Variants in SLC11A1 observed in about 807,000 individuals in gnomAD.
SLC11A1 encodes solute carrier family 11 member 1.
Under a neutral mutation model 63.2 loss-of-function variants are expected in SLC11A1, and 59 were observed. The observed-to-expected ratio is 0.93, with a 90% confidence interval of 0.76 to 1.16. The LOEUF is 1.16. SLC11A1 is among the 50% of genes most tolerant of loss of function. The pLI, the probability that SLC11A1 is intolerant of heterozygous loss-of-function variation, is 0.00. For synonymous variants in SLC11A1, 305 were observed against 307.8 expected, an observed-to-expected ratio of 0.99 and a Z score of 0.09; for missense variants, 688 against 730.7, an observed-to-expected ratio of 0.94 and a Z score of 0.67.
chr2:218,389,895 GAGCAGACATC>G lies in SLC11A1; in HGVS notation c.824_833del (p.Ala275GlufsTer8), dbSNP rs770766596. 6.2e-7 allele frequency: 1 copy of G among 1,613,246 alleles called. No individual in the cohort carries two copies. Among genetic ancestry groups the G allele is most frequent in the Non-Finnish European group, 8.5e-7 (1 of 1,179,540 alleles). Reference sequence around the variant, plus strand: ...TCTCGAGAGATAGACCGGGCCCGCCGAGCAGACATCAGAGAAGCCAACATGTACTTCCTGA... The same window carrying G: ...TCTCGAGAGATAGACCGGGCCCGCCGAGAGAAGCCAACATGTACTTCCTGA... On this transcript the variant is annotated frameshift_variant, in exon 9 of 15. Coordinates refer to ENST00000233202, the MANE Select transcript of SLC11A1 (RefSeq NM_000578.4). LOFTEE classifies it high-confidence loss of function.
In SLC11A1 at chr2:218,391,554, G is replaced by A. The variant is rs1696453100; in HGVS notation, c.1164+59G>A. 4.0e-6 allele frequency: 6 copies of A among 1,508,398 alleles called. No homozygotes were observed. The African/African-American group carries it at 7.0e-5, about 17-fold the overall frequency. 93.4% of individuals were successfully genotyped at this position (1,508,398 alleles called of 1,614,324 possible). The stretch of plus-strand genomic sequence containing the variant: ...GTCCAAGGACAGCAGGCACACTACT[G>A]GGGGCTAGAACTCCGAGCCTTGTGG... On this transcript the variant is annotated intron_variant, in intron 11 of 14. Coordinates refer to ENST00000233202, the MANE Select transcript of SLC11A1 (RefSeq NM_000578.4).
chr2:218,394,057 C>T, intron 12 of SLC11A1, 63 bp from the exon 13 acceptor site: 4 of 1,563,662 alleles, frequency 2.6e-6, no homozygotes, highest in Middle Eastern at 1.7e-4. Flanking sequence ...GCCCATCTTG[C>T]CCCCACCCTT....
At chr2:218,392,103 C>T (rs980953240) in intron 11 of SLC11A1, 1 of 403,236 alleles carries the variant, frequency 2.5e-6, no homozygotes, top group East Asian at 9.2e-5. Context: ...GCGTTTCGCT[C>T]TTATTGCCCA....
At chr2:218,383,984 T>C (rs1695938152) in intron 2 of SLC11A1, 1 of 260,456 alleles carries the variant, frequency 3.8e-6, no homozygotes, top group East Asian at 6.8e-5. Flanking sequence ...AGTCAGGGCT[T>C]GAGGGGCAGG....
Position 218,385,257 on chromosome 2 carries a change from C to A in SLC11A1, c.384C>A (p.Tyr128Ter), listed in dbSNP as rs775318632. 23 of 1,613,868 alleles carry A rather than the reference C, an allele frequency of 1.4e-5. 1 individual carries two copies. In the Admixed American group the frequency reaches 3.8e-4, roughly 27 times the overall value. ...GKDLGEVCHL[Y>*]YPKVPRTVLW... ...ACTTGGGCGAGGTCTGCCATCTCTA[C>A]TACCCTAAGGTGAGCTTGGGGGGCC... The change falls in exon 4 of 15, where the codon TAC (tyrosine) becomes TAA (stop). Residue 128 changes from tyrosine to a stop codon, truncating the protein, a stop_gained. Coordinates refer to ENST00000233202, the MANE Select transcript of SLC11A1 (RefSeq NM_000578.4). LOFTEE classifies it high-confidence loss of function.
At chr2:218,387,080 C>G in intron 5 of SLC11A1, 80 bp from the exon 6 acceptor site, 1 of 1,337,080 alleles carries the variant, frequency 7.5e-7, no homozygotes, top group South Asian at 1.2e-5. Context: ...AGGCCAGATT[C>G]CTGTCTCCAG....
At chr2:218,391,030 A>G (rs2106335932) in intron 9 of SLC11A1, among the ~76,000 whole-genome samples, 168 bp from the exon 10 acceptor site, 1 of 152,354 alleles carries the variant, frequency 6.6e-6, no homozygotes, top group East Asian at 1.9e-4. Flanking sequence ...AAAACGTAAA[A>G]GTAAAACAAA....
chr2:218,391,103 A>G (rs908559273), intron 9 of SLC11A1, 95 bp from the exon 10 acceptor site: 4 of 1,047,430 alleles, frequency 3.8e-6, no homozygotes, highest in Non-Finnish European at 5.9e-6. Context: ...GCCTTGGGCC[A>G]CCAGTTTTGG....
In SLC11A1 at chr2:218,391,497, T is replaced by C. The variant is rs764677380; in HGVS notation, c.1164+2T>C. On this transcript the variant is annotated splice_donor_variant, in intron 11 of 14. Transcript: ENST00000233202. LOFTEE classifies it high-confidence loss of function. The stretch of plus-strand genomic sequence containing the variant: ...TACGCGGGACAGTTCGTGATGGAGG[T>C]AGGGCAGGGGGCGGGCCCAGGAGGG... 2.5e-6 allele frequency: 4 copies of C among 1,586,052 alleles called. No homozygotes were observed. The highest frequency in any genetic ancestry group is 1.3e-5 in the African/African-American group (1 of 74,236).
chr2:218,382,985 C>T lies in SLC11A1; in HGVS notation c.33C>T (p.Ser11=), dbSNP rs757430390. 2.0e-5 allele frequency: 33 copies of T among 1,614,082 alleles called. No homozygotes were observed. The highest frequency in any genetic ancestry group is 2.0e-4 in the South Asian group (18 of 91,082). MTGDKGPQRL[S]GSSYGSISSP... ...GTGACAAGGGTCCCCAAAGGCTAAG[C>T]GGGTCCAGCTATGGTTCCATCTCCA... The change falls in exon 2 of 15, where the codon AGC becomes AGT. Residue 11 remains serine, a synonymous_variant. Transcript: ENST00000233202.
intron 8 of SLC11A1, chr2:218,388,380 AAAAAAG>A (rs1696235466): frequency 5.9e-6 from 1 of 168,650 alleles, no homozygotes; most frequent in South Asian, 1.2e-4. Flanking sequence ...AAAAAAAAAA[AAAAAAG>A]AAAAGAAAAA....
Position 218,387,233 on chromosome 2 carries a change from G to T in SLC11A1, c.571+3G>T. The T allele has an allele frequency of 6.2e-7, 1 of 1,612,266 alleles. No homozygotes were observed. The highest frequency in any genetic ancestry group is 1.1e-5 in the South Asian group (1 of 90,892). On this transcript the variant is annotated splice_donor_region_variant and intron_variant, in intron 6 of 14. Transcript: ENST00000233202. ...CTTCCTCTTCCTCGATAACTACGGTGGGTGCACACCCCACCTCATAGGGGA... is the reference window on the plus strand; with the variant it reads ...CTTCCTCTTCCTCGATAACTACGGTTGGTGCACACCCCACCTCATAGGGGA...
At position 218,396,810 on chromosome 2, in the gene SLC11A1, TTGAG is replaced by T. The variant is rs1205549595; in HGVS notation, c.*1778_*1781del. 2.6e-5 allele frequency: 4 copies of T among 152,568 alleles called. No individual in the cohort carries two copies. The highest frequency in any genetic ancestry group is 7.2e-5 in the African/African-American group (3 of 41,450). 9.5% of individuals were successfully genotyped at this position (152,568 alleles called of 1,614,324 possible). A position where few individuals can be genotyped will look rare whatever the true frequency, so the allele number is the denominator to read the frequency against. On this transcript the variant is annotated 3_prime_UTR_variant, in exon 15 of 15. Transcript: ENST00000233202. The stretch of plus-strand genomic sequence containing the variant: ...TACCCCCTACACACCCCTCTTGGCA[TTGAG>T]TGCCAGTCCTCTGCCAGGCTCTGTG...
intron 11 of SLC11A1, chr2:218,392,757 T>C (rs1303127424): frequency 2.1e-6 from 1 of 467,616 alleles, no homozygotes; most frequent in East Asian, 3.6e-5. Context: ...CAGAAGCCTT[T>C]TCCCCAAAAC....
intron 7 of SLC11A1, 46 bp from the exon 8 acceptor site, chr2:218,387,754 T>A (rs879027938): frequency 1.9e-6 from 3 of 1,611,634 alleles, no homozygotes; most frequent in Non-Finnish European, 2.5e-6. Flanking sequence ...GACCGCGGCG[T>A]GGTTGCGAGG....
Position 218,393,004 on chromosome 2 carries a change from A to AGGAGGAG in SLC11A1, c.1188_1189insGGAGGAG (p.Arg397GlyfsTer35). On this transcript the variant is annotated frameshift_variant, in exon 12 of 15. Transcript: ENST00000233202. LOFTEE classifies it high-confidence loss of function. ...AGGGCTTCCTGAGGCTGCGGTGGTCACGCTTCGCCCGTGTCCTCCTCACCC... is the reference window on the plus strand; with the variant it reads ...AGGGCTTCCTGAGGCTGCGGTGGTCAGGAGGAGCGCTTCGCCCGTGTCCTCCTCACCC... 1 of 1,592,736 alleles carries AGGAGGAG rather than the reference A, an allele frequency of 6.3e-7. No individual in the cohort carries two copies. The highest frequency in any genetic ancestry group is 8.5e-7 in the Non-Finnish European group (1 of 1,172,752).
Position 218,383,014 on chromosome 2 carries a change from C to A in SLC11A1, c.62C>A (p.Pro21Gln), listed in dbSNP as rs770894617. ...SGSSYGSISS[P>Q]TSPTSPGPQQ... ...TCCAGCTATGGTTCCATCTCCAGCCCGACCAGCCCGACCAGCCCAGGGCCA... is the reference window on the plus strand; with the variant it reads ...TCCAGCTATGGTTCCATCTCCAGCCAGACCAGCCCGACCAGCCCAGGGCCA... Residue 21 changes from proline (P) to glutamine (Q), a missense_variant, in exon 2 of 15, where the codon CCG (proline) becomes CAG (glutamine). Physicochemically the swap from Pro to Gln is moderately conservative, Grantham distance 76 (BLOSUM62 -1). Coordinates refer to ENST00000233202, the MANE Select transcript of SLC11A1 (RefSeq NM_000578.4). 2 of 1,611,388 alleles carry A rather than the reference C, an allele frequency of 1.2e-6. No homozygotes were observed. The highest frequency in any genetic ancestry group is 1.7e-6 in the Non-Finnish European group (2 of 1,179,736).
rs2695342 is a variant in SLC11A1, at chr2:218,389,899, A to G, written c.825A>G (p.Ala275=). The change falls in exon 9 of 15, where the codon GCA becomes GCG. Residue 275 remains alanine, a synonymous_variant. Coordinates refer to ENST00000233202, the MANE Select transcript of SLC11A1 (RefSeq NM_000578.4). Reference sequence around the variant, plus strand: ...GAGAGATAGACCGGGCCCGCCGAGCAGACATCAGAGAAGCCAACATGTACT... The same window carrying G: ...GAGAGATAGACCGGGCCCGCCGAGCGGACATCAGAGAAGCCAACATGTACT... ...KSREIDRARR[A]DIREANMYFL... The G allele has an allele frequency of 1, 1,609,539 of 1,613,560 alleles. 802,824 individuals are homozygous for G. Among genetic ancestry groups the G allele is most frequent in the East Asian group, 1 (44,838 of 44,838 alleles).
chr2:218,388,083 G>T, intron 8 of SLC11A1, 128 bp downstream of exon 8: 1 of 1,175,784 alleles, frequency 8.5e-7, no homozygotes, highest in Non-Finnish European at 1.2e-6. Context: ...AATAATTGAG[G>T]GACAGGCGGG....
Sources: allele counts gnomAD v4.1 joint callset (sites outside exome capture counted in the v4.1 genomes callset), GRCh38; gene constraint gnomAD v4.1.1; transcripts MANE v1.5; gene names NCBI Gene and HGNC (gene_info 2026-07-23, HGNC 2026-07-21).